EBF3: variants seen among roughly 807,000 people sequenced by gnomAD.
EBF3 encodes EBF transcription factor 3.
In EBF3, 18 loss-of-function variants were observed where a neutral mutation model predicts 77.1. The ratio of observed to expected loss-of-function variants is 0.23; its 90% CI spans 0.16 to 0.35. EBF3 has a LOEUF of 0.35. EBF3 is among the 10% of genes least tolerant of loss of function. The pLI, the probability that EBF3 is intolerant of heterozygous loss-of-function variation, is 1.00. For synonymous variants in EBF3, 350 were observed against 343.5 expected, an observed-to-expected ratio of 1.02 and a Z score of -0.21; for missense variants, 558 against 860.0, an observed-to-expected ratio of 0.65 and a Z score of 4.39.
chr10:129,934,173 C>G (rs553582817), intron 6 of EBF3, among the ~76,000 whole-genome samples: 7 of 152,194 alleles, frequency 4.6e-5, no homozygotes, highest in South Asian at 2.1e-4. Flanking sequence ...TAATATCCCC[C>G]CTCTCCAGCC....
At position 129,863,605 on chromosome 10, in the gene EBF3, A is replaced by G. The variant is rs1473890348; in HGVS notation, c.1039+3536T>C. On this transcript the variant is annotated intron_variant, in intron 10 of 16. Transcript: ENST00000440978. The surrounding 1 kb of genome is among the most constrained non-coding windows in gnomAD (Gnocchi z 4.0). ...AGGTTAAATGTGAGGGTGTCCCGGC[A>G]GCCTCCGGGGCTGGGGGACACTGAT... Among the ~76,000 whole-genome samples, 4 of 152,226 alleles carry G rather than the reference A, an allele frequency of 2.6e-5. No individual in the cohort carries two copies. Among genetic ancestry groups the G allele is most frequent in the Non-Finnish European group, 4.4e-5 (3 of 68,038 alleles).
intron 6 of EBF3, among the ~76,000 whole-genome samples, chr10:129,886,629 C>T (rs868669628): frequency 1.3e-4 from 20 of 152,268 alleles, no homozygotes; most frequent in Admixed American, 5.2e-4. Context: ...ATCTGTTCTG[C>T]GGCCCTCTGG....
chr10:129,932,204 G>T (rs980616754), intron 6 of EBF3, among the ~76,000 whole-genome samples: 5 of 152,238 alleles, frequency 3.3e-5, no homozygotes, highest in Non-Finnish European at 5.9e-5. Flanking sequence ...TGGGAAGAAG[G>T]TATTATTGTT....
chr10:129,885,249 C>T lies in EBF3; in HGVS notation c.555-7400G>A, dbSNP rs1853489690. Among the ~76,000 whole-genome samples, 1 of 152,100 alleles carries T rather than the reference C, an allele frequency of 6.6e-6. No homozygotes were observed. Among genetic ancestry groups the T allele is most frequent in the African/African-American group, 2.4e-5 (1 of 41,390 alleles). ...ATGGCTTTGCCGGCCAGTTCAATAT[C>T]CCCTTCCAGAACAGATCCCCGCCAA... On this transcript the variant is annotated intron_variant, in intron 6 of 16. Coordinates refer to ENST00000440978, the MANE Select transcript of EBF3 (RefSeq NM_001375380.1). The surrounding 1 kb of genome is among the most constrained non-coding windows in gnomAD (Gnocchi z 4.0).
intron 6 of EBF3, among the ~76,000 whole-genome samples, chr10:129,888,149 G>A (rs550347435): frequency 2.0e-5 from 3 of 152,318 alleles, no homozygotes; most frequent in South Asian, 2.1e-4. Flanking sequence ...GAGTTGCAGC[G>A]AGCATGCGTC....
intron 6 of EBF3, among the ~76,000 whole-genome samples, chr10:129,901,613 C>A (rs1854784353): frequency 6.6e-6 from 1 of 152,200 alleles, no homozygotes; most frequent in Non-Finnish European, 1.5e-5. Flanking sequence ...CGGCAGTTCT[C>A]AGTAAATAAA....
rs1345535777 is a variant in EBF3 at position 129,897,492 on chromosome 10, C to G, written c.555-19643G>C. Among the ~76,000 whole-genome samples, 1 of 152,122 alleles carries G rather than the reference C, an allele frequency of 6.6e-6. No individual in the cohort carries two copies. ...CTGGCTCCCCCTAAATCAAGGGGGG[C>G]CAGGCAGACCTAACAAACAGAGGCA... is the stretch of plus-strand genomic sequence containing the variant. On this transcript the variant is annotated intron_variant, in intron 6 of 16. Transcript: ENST00000440978. This position sits in a 1 kb window ranked among gnomAD's most constrained non-coding sequence, Gnocchi z 4.6.
intron 6 of EBF3, among the ~76,000 whole-genome samples, chr10:129,924,415 A>AAACAAC (rs1292875897): frequency 2.1e-5 from 3 of 144,680 alleles, no homozygotes; most frequent in African/African-American, 8.1e-5. Context: ...ACTCCGTCTC[A>AAACAAC]AACAACAACA....
chr10:129,909,279 A>G (rs969838184), intron 6 of EBF3, among the ~76,000 whole-genome samples: 1 of 152,224 alleles, frequency 6.6e-6, no homozygotes, highest in African/African-American at 2.4e-5. Flanking sequence ...TCCCATGGCC[A>G]TGAACACGGG....
chr10:129,917,674 A>C (rs1333022783), intron 6 of EBF3, among the ~76,000 whole-genome samples: 1 of 150,074 alleles, frequency 6.7e-6, no homozygotes, highest in Non-Finnish European at 1.5e-5. Flanking sequence ...AAAAAAAAAA[A>C]AAAAACTAAA....
rs761175161 is a variant in EBF3, at chr10:129,873,443, T to C, written c.781+9A>G. 6 of 1,517,824 alleles carry C rather than the reference T, an allele frequency of 4.0e-6. No homozygotes were observed. The highest frequency in any genetic ancestry group is 2.4e-5 in the East Asian group (1 of 41,876). The allele number at this position is 1,517,824 out of a possible 1,614,324, so 94.0% of individuals were successfully genotyped here. A position where few individuals can be genotyped will look rare whatever the true frequency, so the allele number is the denominator to read the frequency against. On this transcript the variant is annotated intron_variant, in intron 8 of 16. Coordinates refer to ENST00000440978, the MANE Select transcript of EBF3 (RefSeq NM_001375380.1). ...CGCAAATAAAAAAAGACATGTAACA[T>C]GTGCCTACCATTTTCCAGATAAGAA...
intron 6 of EBF3, among the ~76,000 whole-genome samples, chr10:129,887,067 G>GGGGGGGGGGA (rs1853656212): frequency 1.1e-5 from 1 of 92,400 alleles, no homozygotes; most frequent in African/African-American, 3.8e-5. Flanking sequence ...GGGGGGGGGG[G>GGGGGGGGGGA]AGGTGAATAG....
intron 6 of EBF3, among the ~76,000 whole-genome samples, chr10:129,898,848 G>A (rs1479133948): frequency 2.0e-5 from 3 of 152,148 alleles, no homozygotes; most frequent in Admixed American, 6.5e-5. Context: ...CCCAGGCCCC[G>A]CTGCGCCTCC....
intron 6 of EBF3, among the ~76,000 whole-genome samples, chr10:129,951,385 C>T (rs1400086204): frequency 6.6e-6 from 1 of 152,238 alleles, no homozygotes; most frequent in African/African-American, 2.4e-5. Flanking sequence ...CAACATGCCT[C>T]CCAGAGTATA....
At chr10:129,936,930 G>T (rs1396549192) in intron 6 of EBF3, among the ~76,000 whole-genome samples, 1 of 152,182 alleles carries the variant, frequency 6.6e-6, no homozygotes, top group African/African-American at 2.4e-5. Context: ...TAATTCAACA[G>T]AAGCTTTTGC....
intron 6 of EBF3, among the ~76,000 whole-genome samples, chr10:129,934,057 G>C (rs1857198706): frequency 6.6e-6 from 1 of 152,162 alleles, no homozygotes; most frequent in Admixed American, 6.5e-5. Context: ...GTGAATTTCG[G>C]AGAAGCAATG....
intron 6 of EBF3, among the ~76,000 whole-genome samples, chr10:129,927,671 G>A (rs536895401): frequency 6.0e-4 from 91 of 152,280 alleles, no homozygotes; most frequent in African/African-American, 2.1e-3. Flanking sequence ...CTTCATAGTC[G>A]TCTTCTTCCT....
At chr10:129,915,454 G>A (rs1330951797) in intron 6 of EBF3, among the ~76,000 whole-genome samples, 7 of 127,674 alleles carry the variant, frequency 5.5e-5, no homozygotes, top group Non-Finnish European at 1.1e-4. Flanking sequence ...ATGCATGCGC[G>A]CACACATGCA....
intron 6 of EBF3, among the ~76,000 whole-genome samples, chr10:129,950,490 T>A (rs1479253106): frequency 1.3e-5 from 2 of 152,260 alleles, no homozygotes; most frequent in South Asian, 4.1e-4. Context: ...ATCGAATTGT[T>A]GGCAAATTTA....
Sources: allele counts gnomAD v4.1 joint callset (sites outside exome capture counted in the v4.1 genomes callset), GRCh38; gene constraint gnomAD v4.1.1; non-coding constraint Gnocchi (gnomAD v3.1); transcripts MANE v1.5; gene names NCBI Gene and HGNC (gene_info 2026-07-23, HGNC 2026-07-21).